FNDC3B: variants seen among roughly 807,000 people sequenced by gnomAD.
FNDC3B encodes the protein fibronectin type III domain containing 3B, also known as fibronectin type III domain-containing protein 3B.
Under a neutral mutation model 151.5 loss-of-function variants are expected in FNDC3B, and 12 were observed. That is an observed-to-expected ratio of 0.08 (90% CI 0.05 to 0.13). FNDC3B has a LOEUF of 0.13. Ranked by LOEUF, FNDC3B falls within the 10% of genes least tolerant of loss-of-function variation. The pLI, the probability that FNDC3B is intolerant of heterozygous loss-of-function variation, is 1.00. For synonymous variants in FNDC3B, 528 were observed against 549.0 expected, an observed-to-expected ratio of 0.96 and a Z score of 0.54; for missense variants, 1,214 against 1,505.3, an observed-to-expected ratio of 0.81 and a Z score of 3.20.
intron 25 of FNDC3B, among the ~76,000 whole-genome samples, chr3:172,391,495 G>A (rs1388046969): frequency 6.6e-6 from 1 of 152,226 alleles, no homozygotes; most frequent in Non-Finnish European, 1.5e-5. Flanking sequence ...TAATGCTTCC[G>A]AGTGCCAAGT....
At chr3:172,168,858 G>A (rs1433429471) in intron 3 of FNDC3B, among the ~76,000 whole-genome samples, 15 of 150,842 alleles carry the variant, frequency 9.9e-5, no homozygotes, top group African/African-American at 3.7e-4. Flanking sequence ...GACTACAGGC[G>A]GCGCCACCAC....
intron 1 of FNDC3B, among the ~76,000 whole-genome samples, chr3:172,069,735 T>A (rs544669080): frequency 5.3e-5 from 8 of 152,328 alleles, no homozygotes; most frequent in South Asian, 4.1e-4. Flanking sequence ...GACAATCCCA[T>A]TTAGTCTTCT....
chr3:172,279,385 T>G (rs540457227), intron 6 of FNDC3B, among the ~76,000 whole-genome samples: 14 of 152,344 alleles, frequency 9.2e-5, no homozygotes, highest in African/African-American at 3.1e-4. Flanking sequence ...TTTCTCTCCT[T>G]TCTCTTAAGG....
Position 172,337,385 on chromosome 3 carries a change from T to C in FNDC3B, c.1836T>C (p.Thr612=), listed in dbSNP as rs1462151440. ...TCCTCAAGTACTTGCTAGAGATTAC[T>C]GATGGAAATTCTGAAGGTGAAGTTT... ...SEILKYLLEI[T]DGNSEANQWE... is the part of the protein sequence containing the mutation. The change falls in exon 16 of 26, where the codon ACT becomes ACC. Residue 612 remains threonine, a synonymous_variant. Coordinates refer to ENST00000415807, the MANE Select transcript of FNDC3B (RefSeq NM_022763.4). The C allele has an allele frequency of 7.4e-6, 12 of 1,612,094 alleles. No homozygotes were observed. The highest frequency in any genetic ancestry group is 9.3e-6 in the Non-Finnish European group (11 of 1,178,268).
chr3:172,211,587 T>C (rs1052316437), intron 3 of FNDC3B, among the ~76,000 whole-genome samples: 3 of 152,232 alleles, frequency 2.0e-5, no homozygotes, highest in African/African-American at 7.2e-5. Flanking sequence ...GCCCAGATGA[T>C]TTTTGCCTGT....
At chr3:172,362,874 G>T in intron 23 of FNDC3B, 29 bp downstream of exon 23, 1 of 1,540,072 alleles carries the variant, frequency 6.5e-7, no homozygotes, top group Non-Finnish European at 8.9e-7. Flanking sequence ...TGCTCCTGAA[G>T]CTTCTGTAGC....
intron 2 of FNDC3B, among the ~76,000 whole-genome samples, chr3:172,114,303 A>G (rs1406727974): frequency 6.6e-6 from 1 of 152,168 alleles, no homozygotes. Context: ...CCCAATTAAA[A>G]GAATTACTAA....
intron 3 of FNDC3B, among the ~76,000 whole-genome samples, chr3:172,155,506 C>G (rs1350684048): frequency 6.6e-6 from 1 of 152,228 alleles, no homozygotes; most frequent in Non-Finnish European, 1.5e-5. Flanking sequence ...CACTGACTTT[C>G]CTGCATAGCC....
intron 23 of FNDC3B, among the ~76,000 whole-genome samples, chr3:172,365,286 G>C (rs1446751023): frequency 6.6e-6 from 1 of 152,154 alleles, no homozygotes; most frequent in Non-Finnish European, 1.5e-5. Flanking sequence ...TGTTGCTAGA[G>C]GAGCTTCTAG....
chr3:172,287,629 G>A (rs1463116054), intron 7 of FNDC3B, among the ~76,000 whole-genome samples: 5 of 152,220 alleles, frequency 3.3e-5, no homozygotes, highest in African/African-American at 2.4e-5. Flanking sequence ...GGCCCCAAAT[G>A]TAGTTTCAGA....
intron 2 of FNDC3B, among the ~76,000 whole-genome samples, chr3:172,128,126 A>C (rs972042121): frequency 8.5e-5 from 13 of 152,106 alleles, no homozygotes; most frequent in African/African-American, 2.9e-4. Flanking sequence ...CTTCACCTAC[A>C]ATGTGTACCC....
chr3:172,294,959 T>C (rs550410815), intron 7 of FNDC3B, among the ~76,000 whole-genome samples: 22 of 152,342 alleles, frequency 1.4e-4, no homozygotes, highest in Admixed American at 3.9e-4. Context: ...GCGGGTATTG[T>C]TGGAAAGGTA....
At chr3:172,299,531 A>T (rs1219103322) in intron 9 of FNDC3B, among the ~76,000 whole-genome samples, 3 of 152,360 alleles carry the variant, frequency 2.0e-5, no homozygotes, top group East Asian at 1.9e-4. Context: ...CACTAAAAAA[A>T]CTTTTTTTTA....
At chr3:172,179,958 G>A (rs1440660159) in intron 3 of FNDC3B, among the ~76,000 whole-genome samples, 1 of 150,906 alleles carries the variant, frequency 6.6e-6, no homozygotes, top group East Asian at 2.0e-4. Flanking sequence ...GTGGCTGAAT[G>A]ACCTCTTTGG....
intron 4 of FNDC3B, among the ~76,000 whole-genome samples, chr3:172,229,484 C>T (rs1489919991): frequency 6.6e-6 from 1 of 152,188 alleles, no homozygotes; most frequent in Non-Finnish European, 1.5e-5. Flanking sequence ...CTTTCATTGA[C>T]AATTCACTTG....
chr3:172,204,177 C>T lies in FNDC3B; in HGVS notation c.188-22694C>T, dbSNP rs147935597. Among the ~76,000 whole-genome samples, 7 of 152,128 alleles carry T rather than the reference C, an allele frequency of 4.6e-5. No individual in the cohort carries two copies. In the South Asian group the frequency reaches 6.2e-4, roughly 14 times the overall value. On this transcript the variant is annotated intron_variant, in intron 3 of 25. Transcript: ENST00000415807. ...GTGTTCAGAATTTTCTGACTCAAAG[C>T]GAGGGAGAGAGAAATATTTCTTTCA...
intron 6 of FNDC3B, among the ~76,000 whole-genome samples, chr3:172,278,536 G>C (rs1045838713): frequency 6.6e-6 from 1 of 152,180 alleles, no homozygotes; most frequent in South Asian, 2.1e-4. Flanking sequence ...GAAAGGACTG[G>C]TGCTAGAGTT....
At chr3:172,199,470 C>T (rs922547420) in intron 3 of FNDC3B, among the ~76,000 whole-genome samples, 8 of 152,122 alleles carry the variant, frequency 5.3e-5, no homozygotes, top group Non-Finnish European at 7.3e-5. Context: ...TGAGCCACCG[C>T]GCCCGGCTAG....
chr3:172,361,318 T>G (rs1734349122), intron 22 of FNDC3B, among the ~76,000 whole-genome samples: 1 of 152,244 alleles, frequency 6.6e-6, no homozygotes, highest in African/African-American at 2.4e-5. Flanking sequence ...TCTGCTTCCC[T>G]TTTAATTATA....
Sources: gnomAD v4.1 joint callset for allele counts (sites outside exome capture counted in the v4.1 genomes callset) on GRCh38, gnomAD v4.1.1 for gene constraint, MANE v1.5 for transcripts, NCBI Gene and HGNC (gene_info 2026-07-23, HGNC 2026-07-21) for gene names.